DLG2: variants seen among roughly 807,000 people sequenced by gnomAD.
The protein encoded by DLG2 is discs large MAGUK scaffold protein 2.
Under a neutral mutation model 132.5 loss-of-function variants are expected in DLG2, and 45 were observed. The observed-to-expected ratio is 0.34, with a 90% CI of 0.27 to 0.44. The LOEUF (loss-of-function observed/expected upper bound fraction) is 0.44. Ranked by LOEUF, DLG2 falls within the 20% of genes least tolerant of loss-of-function variation. The probability of loss-of-function intolerance (pLI) is 1.00; values close to 1 mark genes in which losing one functional copy is unlikely to be tolerated. For synonymous variants in DLG2, 424 were observed against 419.6 expected, an observed-to-expected ratio of 1.01 and a Z score of -0.13; for missense variants, 1,045 against 1,196.9, an observed-to-expected ratio of 0.87 and a Z score of 1.87.
intron 6 of DLG2, among the ~76,000 whole-genome samples, chr11:84,994,080 T>C (rs2057400130): frequency 6.6e-6 from 1 of 152,140 alleles, no homozygotes. Context: ...AAGTGACACT[T>C]TGGAGTCCCA....
rs1040414375 is a variant in DLG2 at position 85,361,419 on chromosome 11, C to T, written c.41-76054G>A. 2.0e-5 allele frequency among the ~76,000 whole-genome samples: 3 copies of T among 152,040 alleles called. No homozygotes were observed. In the South Asian group the frequency reaches 6.2e-4, roughly 31 times the overall value. On this transcript the variant is annotated intron_variant, in intron 3 of 27. Transcript: ENST00000376104. ...CTTTCAGTGTACCCATCACCCAATACTGAACATTGTACCCAATAAATAATT... is the reference window on the plus strand; with the variant it reads ...CTTTCAGTGTACCCATCACCCAATATTGAACATTGTACCCAATAAATAATT...
At chr11:84,997,093 T>C (rs7112064) in intron 6 of DLG2, 78,835 of 152,954 alleles carry the variant, frequency 0.52, 20,714 homozygotes, top group East Asian at 0.65. Context: ...GGTTTGCTTC[T>C]AAATACAGTA....
At chr11:83,738,780 C>A (rs547902205) in intron 18 of DLG2, among the ~76,000 whole-genome samples, 2 of 152,328 alleles carry the variant, frequency 1.3e-5, no homozygotes. Context: ...CAGCTCCTCT[C>A]CCATCATAGC....
At chr11:84,232,018 G>T (rs1034867443) in intron 8 of DLG2, among the ~76,000 whole-genome samples, 2 of 151,988 alleles carry the variant, frequency 1.3e-5, no homozygotes, top group South Asian at 4.2e-4. Context: ...CCACCAAGAT[G>T]GGGAAGGAAG....
intron 18 of DLG2, among the ~76,000 whole-genome samples, chr11:83,699,758 TAC>T (rs2082569375): frequency 1.4e-5 from 2 of 146,282 alleles, no homozygotes; most frequent in Non-Finnish European, 3.0e-5. Context: ...ATAATAATAA[TAC>T]AGAATAGTGT....
intron 18 of DLG2, among the ~76,000 whole-genome samples, chr11:83,699,339 A>G (rs2082456435): frequency 6.6e-6 from 1 of 152,178 alleles, no homozygotes; most frequent in South Asian, 2.1e-4. Flanking sequence ...ACTTGTAAGA[A>G]AGAATGGAGA....
At chr11:84,904,143 G>T (rs541556263) in intron 6 of DLG2, among the ~76,000 whole-genome samples, 1 of 152,186 alleles carries the variant, frequency 6.6e-6, no homozygotes, top group South Asian at 2.1e-4. Context: ...CCCTTGATAA[G>T]AGTATAGAAA....
chr11:84,345,933 A>C (rs1363435626), intron 7 of DLG2, among the ~76,000 whole-genome samples: 2 of 152,186 alleles, frequency 1.3e-5, no homozygotes, highest in Non-Finnish European at 2.9e-5. Context: ...CCCTTTGTTT[A>C]AAAAGTTTGC....
At chr11:85,083,428 A>G (rs1593862601) in intron 6 of DLG2, among the ~76,000 whole-genome samples, 3 of 152,306 alleles carry the variant, frequency 2.0e-5, no homozygotes, top group Non-Finnish European at 4.4e-5. Context: ...ACTGGTTTCA[A>G]TCGATTTAAA....
chr11:85,081,643 G>T (rs993958702), intron 6 of DLG2, among the ~76,000 whole-genome samples: 1 of 152,264 alleles, frequency 6.6e-6, no homozygotes, highest in Admixed American at 6.5e-5. Context: ...GGCTGGTCTT[G>T]CAGTAGACTG....
intron 3 of DLG2, among the ~76,000 whole-genome samples, chr11:85,550,591 G>A (rs909825017): frequency 1.1e-4 from 16 of 152,224 alleles, no homozygotes; most frequent in African/African-American, 3.9e-4. Context: ...GTTGAGAGCG[G>A]CAGGCTGAGT....
intron 6 of DLG2, among the ~76,000 whole-genome samples, chr11:84,638,239 A>G (rs2099644072): frequency 2.0e-5 from 3 of 152,252 alleles, no homozygotes; most frequent in Admixed American, 2.0e-4. Flanking sequence ...AACCTCCTGC[A>G]TGGTCCAAAT....
intron 6 of DLG2, among the ~76,000 whole-genome samples, chr11:84,729,505 G>T (rs562916553): frequency 1.3e-5 from 2 of 152,068 alleles, no homozygotes; most frequent in African/African-American, 4.8e-5. Flanking sequence ...CAATTATGTG[G>T]TTAATTTTAG....
In DLG2 at chr11:84,548,427, C is replaced by T. The variant is rs141857497; in HGVS notation, c.358-13696G>A. Among the ~76,000 whole-genome samples, 468 of 151,734 alleles carry T rather than the reference C, an allele frequency of 3.1e-3. 3 individuals carry two copies. The highest frequency in any genetic ancestry group is 0.011 in the African/African-American group (440 of 41,330). On this transcript the variant is annotated intron_variant, in intron 6 of 27. Transcript: ENST00000376104. ...TATATCTCCCAATGCTATCCATCCCCACCCGCCCCCCACCCCACAACAGGC... is the reference window on the plus strand; with the variant it reads ...TATATCTCCCAATGCTATCCATCCCTACCCGCCCCCCACCCCACAACAGGC...
chr11:84,825,775 A>T (rs2078256595), intron 6 of DLG2, among the ~76,000 whole-genome samples: 1 of 151,960 alleles, frequency 6.6e-6, no homozygotes, highest in Non-Finnish European at 1.5e-5. Flanking sequence ...AATTACTGTT[A>T]TTCCATAGAC....
At chr11:84,772,549 A>T (rs954294074) in intron 6 of DLG2, among the ~76,000 whole-genome samples, 1 of 152,188 alleles carries the variant, frequency 6.6e-6, no homozygotes, top group African/African-American at 2.4e-5. Context: ...CTTGGCCACA[A>T]AACAAGTCTA....
intron 7 of DLG2, among the ~76,000 whole-genome samples, chr11:84,367,317 C>T (rs1297250154): frequency 6.6e-6 from 1 of 152,052 alleles, no homozygotes; most frequent in Non-Finnish European, 1.5e-5. Flanking sequence ...TCAATTCTGC[C>T]ACTGTAGCAC....
At chr11:85,332,780 T>C (rs547311016) in intron 3 of DLG2, among the ~76,000 whole-genome samples, 1 of 152,288 alleles carries the variant, frequency 6.6e-6, no homozygotes, top group Admixed American at 6.5e-5. Flanking sequence ...TGTGGATTTA[T>C]TTCCAGGTTC....
rs2078577765 is a variant in DLG2, at chr11:85,167,942, A to AACT, written c.187-13292_187-13291insAGT. Among the ~76,000 whole-genome samples the AACT allele has an allele frequency of 2.6e-5, 4 of 152,268 alleles. No individual in the cohort carries two copies. In the East Asian group the frequency reaches 7.7e-4, roughly 29 times the overall value. ...AACAATGGGTAAGTTTAAACTAAGT[A>AACT]GTTCTCCTCTGCTGAAATAATAATA... On this transcript the variant is annotated intron_variant, in intron 4 of 27. Coordinates refer to ENST00000376104, the MANE Select transcript of DLG2 (RefSeq NM_001142699.3).
Sources: gnomAD v4.1 joint callset for allele counts (sites outside exome capture counted in the v4.1 genomes callset) on GRCh38, gnomAD v4.1.1 for gene constraint, MANE v1.5 for transcripts, NCBI Gene and HGNC (gene_info 2026-07-23, HGNC 2026-07-21) for gene names.